Variants in ERC2 observed in about 807,000 individuals in gnomAD.
ERC2 encodes the protein ERC protein 2.
A neutral mutation model predicts 114.8 loss-of-function variants in ERC2; 42 were observed. That is an observed-to-expected ratio of 0.37 (90% CI 0.29 to 0.47). ERC2 has a LOEUF of 0.47. ERC2 is among the 20% of genes least tolerant of loss of function. ERC2 has a pLI of 0.99. For missense variants in ERC2, 939 were observed against 1,150.7 expected (o/e 0.82, Z 2.66); for synonymous variants, 454 against 425.5 (o/e 1.07, Z -0.82).
chr3:55,576,486 C>T (rs561843689), intron 17 of ERC2, among the ~76,000 whole-genome samples: 3 of 152,288 alleles, frequency 2.0e-5, no homozygotes, highest in South Asian at 2.1e-4. Context: ...GGTAAAGGGG[C>T]CTGCCCCAGA....
chr3:56,341,357 A>G (rs1038057518), intron 2 of ERC2, among the ~76,000 whole-genome samples: 3 of 152,184 alleles, frequency 2.0e-5, no homozygotes, highest in Non-Finnish European at 4.4e-5. Flanking sequence ...TGCCAATTAA[A>G]AACAGGGCAC....
At chr3:56,364,780 G>A (rs1420652460) in intron 2 of ERC2, among the ~76,000 whole-genome samples, 1 of 152,148 alleles carries the variant, frequency 6.6e-6, no homozygotes, top group Admixed American at 6.6e-5. Context: ...TCTCCCGTTG[G>A]GGCTCATAAC....
chr3:55,950,747 G>T (rs1170581609), intron 12 of ERC2, among the ~76,000 whole-genome samples, 187 bp from the exon 13 acceptor site: 1 of 152,180 alleles, frequency 6.6e-6, no homozygotes, highest in African/African-American at 2.4e-5. Flanking sequence ...CCAGGTCCCA[G>T]GACGGCACTG....
At chr3:56,082,591 ACT>A (rs2077297098) in intron 6 of ERC2, among the ~76,000 whole-genome samples, 1 of 151,910 alleles carries the variant, frequency 6.6e-6, no homozygotes, top group Non-Finnish European at 1.5e-5. Context: ...CCAGGAACTA[ACT>A]CTTCAAGGAT....
chr3:55,829,466 A>G (rs2060476636), intron 14 of ERC2, among the ~76,000 whole-genome samples: 1 of 152,210 alleles, frequency 6.6e-6, no homozygotes, highest in African/African-American at 2.4e-5. Context: ...AAAAGTGGAG[A>G]AAAAAATTAA....
At chr3:55,712,141 T>C (rs2148859280) in intron 15 of ERC2, among the ~76,000 whole-genome samples, 1 of 152,366 alleles carries the variant, frequency 6.6e-6, no homozygotes, top group Non-Finnish European at 1.5e-5. Flanking sequence ...TGTCCTTTTT[T>C]CCCACGTTTC....
chr3:55,603,979 C>A (rs58300985), intron 17 of ERC2, among the ~76,000 whole-genome samples: 1 of 152,162 alleles, frequency 6.6e-6, no homozygotes, highest in East Asian at 1.9e-4. Context: ...TTTCACCCCC[C>A]CCAGCATGTC....
At chr3:56,061,571 A>G (rs987083908) in intron 7 of ERC2, among the ~76,000 whole-genome samples, 1 of 152,244 alleles carries the variant, frequency 6.6e-6, no homozygotes, top group Non-Finnish European at 1.5e-5. Context: ...TATTTAGCTT[A>G]AAATTCTAAA....
In ERC2 at chr3:55,857,433, T is replaced by C. The variant is rs536596733; in HGVS notation, c.2564+30956A>G. Reference sequence around the variant, plus strand: ...GTGGCAAATAGATGTAACACAAAAGTTGTCACTTTAACCATTTTTAAATAT... The same window carrying C: ...GTGGCAAATAGATGTAACACAAAAGCTGTCACTTTAACCATTTTTAAATAT... On this transcript the variant is annotated intron_variant, in intron 14 of 17. Coordinates refer to ENST00000288221, the MANE Select transcript of ERC2 (RefSeq NM_015576.3). Among the ~76,000 whole-genome samples, 4 of 152,324 alleles carry C rather than the reference T, an allele frequency of 2.6e-5. No homozygotes were observed. The East Asian group carries it at 7.7e-4, about 29-fold the overall frequency.
chr3:55,534,303 G>T (rs1360665200), intron 17 of ERC2, among the ~76,000 whole-genome samples: 1 of 151,486 alleles, frequency 6.6e-6, no homozygotes, highest in Non-Finnish European at 1.5e-5. Flanking sequence ...GTGGCATATG[G>T]CTGTGGTCCC....
intron 14 of ERC2, among the ~76,000 whole-genome samples, chr3:55,847,986 A>T (rs1302432483): frequency 1.3e-5 from 2 of 152,074 alleles, no homozygotes; most frequent in Non-Finnish European, 2.9e-5. Flanking sequence ...TTGTAGAGAT[A>T]GGGTCTCGCT....
At chr3:56,307,567 T>C (rs779366960) in intron 2 of ERC2, among the ~76,000 whole-genome samples, 1 of 151,978 alleles carries the variant, frequency 6.6e-6, no homozygotes, top group Non-Finnish European at 1.5e-5. Flanking sequence ...GAAAAGCGAG[T>C]CCTCAACTTC....
At chr3:55,528,534 C>CA (rs555443938) in intron 17 of ERC2, among the ~76,000 whole-genome samples, 57 of 146,126 alleles carry the variant, frequency 3.9e-4, no homozygotes, top group Middle Eastern at 3.5e-3. Context: ...CTTTATTTGA[C>CA]AAAAAAAAAA....
intron 16 of ERC2, among the ~76,000 whole-genome samples, chr3:55,692,076 T>C (rs535559221): frequency 6.6e-6 from 1 of 152,320 alleles, no homozygotes; most frequent in East Asian, 1.9e-4. Context: ...AACAACTCTA[T>C]ATACAGAATT....
chr3:55,561,674 C>CT (rs1015052738), intron 17 of ERC2, among the ~76,000 whole-genome samples: 9 of 152,232 alleles, frequency 5.9e-5, no homozygotes, highest in Middle Eastern at 3.4e-3. Flanking sequence ...GGGCTACTCG[C>CT]TTTTTTTCTT....
At chr3:55,532,678 T>C (rs2053744909) in intron 17 of ERC2, among the ~76,000 whole-genome samples, 1 of 152,118 alleles carries the variant, frequency 6.6e-6, no homozygotes, top group African/African-American at 2.4e-5. Context: ...GCCACAAAGT[T>C]ATTAAGTGGT....
intron 15 of ERC2, among the ~76,000 whole-genome samples, chr3:55,729,837 C>CACAAAAAAAAA (rs2065138003): frequency 1.6e-5 from 1 of 61,630 alleles, no homozygotes; most frequent in Non-Finnish European, 2.6e-5. Context: ...GACTCTATCG[C>CACAAAAAAAAA]AAAAAAAAAA....
intron 3 of ERC2, among the ~76,000 whole-genome samples, chr3:56,201,404 G>C (rs956229428): frequency 6.6e-5 from 10 of 152,208 alleles, no homozygotes; most frequent in African/African-American, 2.4e-4. Context: ...CTTCTCAGAA[G>C]AACTGTATGG....
chr3:56,025,018 T>C (rs983146305), intron 7 of ERC2, among the ~76,000 whole-genome samples: 2 of 152,214 alleles, frequency 1.3e-5, no homozygotes, highest in African/African-American at 4.8e-5. Context: ...GTGTCGCACG[T>C]GGCTGGAACT....
Sources: allele counts gnomAD v4.1 joint callset (sites outside exome capture counted in the v4.1 genomes callset), GRCh38; gene constraint gnomAD v4.1.1; transcripts MANE v1.5; gene names NCBI Gene and HGNC (gene_info 2026-07-23, HGNC 2026-07-21).